UGT3A1: variants seen among roughly 807,000 people sequenced by gnomAD.
The protein encoded by UGT3A1 is UDP glycosyltransferase family 3 member A1.
Under a neutral mutation model 37.6 loss-of-function variants are expected in UGT3A1, and 40 were observed. The ratio of observed to expected loss-of-function variants is 1.06; its 90% CI spans 0.83 to 1.38. The LOEUF (loss-of-function observed/expected upper bound fraction) is 1.38, where lower values mean the gene tolerates loss of function less well. Ranked by LOEUF, UGT3A1 falls within the 40% of genes most tolerant of loss-of-function variation. The pLI, the probability that UGT3A1 is intolerant of heterozygous loss-of-function variation, is 0.00. For synonymous variants in UGT3A1, 256 were observed against 232.3 expected, an observed-to-expected ratio of 1.10 and a Z score of -0.93; for missense variants, 642 against 634.2, an observed-to-expected ratio of 1.01 and a Z score of -0.13.
chr5:35,954,501 T>A (rs777949586), intron 6 of UGT3A1, 23 bp from the exon 7 acceptor site: 1 of 1,610,434 alleles, frequency 6.2e-7, no homozygotes, highest in African/African-American at 1.3e-5. Flanking sequence ...ACAGAGAGGG[T>A]GTGTTACTGA....
intron 2 of UGT3A1, among the ~76,000 whole-genome samples, chr5:35,975,518 G>C (rs927289822): frequency 3.9e-5 from 6 of 152,296 alleles, no homozygotes; most frequent in African/African-American, 1.4e-4. Context: ...ATCTACTGAT[G>C]TGGAATTCTA....
intron 2 of UGT3A1, among the ~76,000 whole-genome samples, chr5:35,988,101 C>T (rs1272923794): frequency 1.3e-5 from 2 of 152,134 alleles, no homozygotes; most frequent in Non-Finnish European, 2.9e-5. Flanking sequence ...TCTATACTTA[C>T]ATAATAAAAG....
At chr5:35,956,010 G>A (rs186401248) in intron 5 of UGT3A1, 146 bp from the exon 6 acceptor site, 7 of 813,578 alleles carry the variant, frequency 8.6e-6, no homozygotes, top group African/African-American at 1.7e-5. Context: ...ACACACAAGT[G>A]TGAACATTCC....
chr5:35,967,516 G>T (rs1052808906), intron 3 of UGT3A1, among the ~76,000 whole-genome samples: 1 of 152,166 alleles, frequency 6.6e-6, no homozygotes, highest in African/African-American at 2.4e-5. Context: ...AAAGGTGAAG[G>T]TTCAAGGTGT....
At chr5:35,984,414 C>T (rs1740647631) in intron 2 of UGT3A1, among the ~76,000 whole-genome samples, 1 of 151,754 alleles carries the variant, frequency 6.6e-6, no homozygotes, top group African/African-American at 2.4e-5. Context: ...ACATCACCCT[C>T]ATTCTTTCTG....
chr5:35,962,419 T>G (rs1739622922), intron 4 of UGT3A1: 1 of 154,306 alleles, frequency 6.5e-6, no homozygotes, highest in Non-Finnish European at 1.4e-5. Flanking sequence ...TTTCTAGGAT[T>G]AGGCAAGCGA....
At position 35,951,389 on chromosome 5, in the gene UGT3A1, T is replaced by C. The variant is rs1320890380; in HGVS notation, c.*2813A>G. 1 of 152,138 alleles carries C rather than the reference T, an allele frequency of 6.6e-6. No individual in the cohort carries two copies. The highest frequency in any genetic ancestry group is 1.5e-5 in the Non-Finnish European group (1 of 67,990). The allele number at this position is 152,138 out of a possible 1,614,324, so 9.4% of individuals were successfully genotyped here. ...TTTTTTTCATTATCCCCCATACACA[T>C]ACTTTCCTTTTTCTTATAAAAAAAA... On this transcript the variant is annotated 3_prime_UTR_variant, in exon 7 of 7. Coordinates refer to ENST00000274278, the MANE Select transcript of UGT3A1 (RefSeq NM_152404.4).
chr5:35,954,361 G>GA lies in UGT3A1; in HGVS notation c.1412dup (p.Lys472GlnfsTer11). Reference sequence around the variant, plus strand: ...AAGGCTGCTGGAAGGCATAGGGCTTGAGGTGCGTCGCTCCCCCAGTCTGGA... The same window carrying GA: ...AAGGCTGCTGGAAGGCATAGGGCTTGAAGGTGCGTCGCTCCCCCAGTCTGGA... On this transcript the variant is annotated frameshift_variant, in exon 7 of 7. Coordinates refer to ENST00000274278, the MANE Select transcript of UGT3A1 (RefSeq NM_152404.4). LOFTEE classifies it low-confidence loss of function (END_TRUNC). 1 of 1,614,224 alleles carries GA rather than the reference G, an allele frequency of 6.2e-7. No homozygotes were observed. The highest frequency in any genetic ancestry group is 8.5e-7 in the Non-Finnish European group (1 of 1,180,034).
At chr5:35,981,346 C>T (rs1740514681) in intron 2 of UGT3A1, among the ~76,000 whole-genome samples, 1 of 151,870 alleles carries the variant, frequency 6.6e-6, no homozygotes, top group South Asian at 2.1e-4. Context: ...GAAGAGTGGC[C>T]CTTGTTGAAT....
chr5:35,970,843 T>C (rs567457718), intron 2 of UGT3A1, among the ~76,000 whole-genome samples: 1 of 152,206 alleles, frequency 6.6e-6, no homozygotes, highest in Non-Finnish European at 1.5e-5. Context: ...ATTTGGACTA[T>C]TTTTAAACCT....
chr5:35,978,361 T>C (rs949251316), intron 2 of UGT3A1, among the ~76,000 whole-genome samples: 2 of 152,170 alleles, frequency 1.3e-5, no homozygotes, highest in Non-Finnish European at 2.9e-5. Flanking sequence ...GATAAAGATA[T>C]ACCCAAGACT....
chr5:35,975,719 A>T (rs1740239923), intron 2 of UGT3A1, among the ~76,000 whole-genome samples: 1 of 150,504 alleles, frequency 6.6e-6, no homozygotes. Context: ...ATTATACTTT[A>T]AGTTTTAGGT....
intron 4 of UGT3A1, chr5:35,961,646 T>C (rs1444321128): frequency 1.3e-5 from 2 of 152,222 alleles, no homozygotes; most frequent in Non-Finnish European, 2.9e-5. Flanking sequence ...TGGGCTTGCA[T>C]GGTGACCATT....
In UGT3A1 at chr5:35,988,523, C is replaced by G. The variant is rs749835922; in HGVS notation, c.123G>C (p.Arg41=). ...CATGCTCTTGAAGAATCTGAGACAC[C>G]CGGTCCAACAGTAGGTAATGGCTTC... is the stretch of plus-strand genomic sequence containing the variant. The part of the protein sequence containing the change: ...LGGSHYLLLD[R]VSQILQEHGH... The change falls in exon 2 of 7, where the codon CGG becomes CGC. Residue 41 remains arginine (R), a synonymous_variant. Transcript: ENST00000274278. 1.2e-6 allele frequency: 2 copies of G among 1,612,320 alleles called. No individual in the cohort carries two copies. Among genetic ancestry groups the G allele is most frequent in the Non-Finnish European group, 1.7e-6 (2 of 1,179,172 alleles).
intron 2 of UGT3A1, among the ~76,000 whole-genome samples, chr5:35,983,480 G>A (rs1001329993): frequency 6.6e-5 from 10 of 151,890 alleles, no homozygotes; most frequent in South Asian, 2.1e-4. Context: ...TCCAAATAAC[G>A]AAACCAATTC....
chr5:35,973,008 A>G (rs1161207979), intron 2 of UGT3A1, among the ~76,000 whole-genome samples: 1 of 152,184 alleles, frequency 6.6e-6, no homozygotes, highest in Non-Finnish European at 1.5e-5. Context: ...ATTTTCTGCT[A>G]AAGTCAAGGC....
In UGT3A1 at chr5:35,965,681, T is replaced by G; in HGVS notation, c.548A>C (p.Tyr183Ser). The G allele has an allele frequency of 1.2e-6, 2 of 1,614,122 alleles. No homozygotes were observed. The highest frequency in any genetic ancestry group is 1.7e-6 in the Non-Finnish European group (2 of 1,180,024). ...LDFGLPSPLS[Y>S]VPVFPSLLTD... is the part of the protein sequence containing the mutation. ...CAGCAAGGAAGGGAATACTGGAACA[T>G]AAGACAAGGGGCTTGGTAGCCCAAA... The change falls in exon 4 of 7, where the codon TAT becomes TCT. Residue 183 changes from tyrosine to serine, a missense_variant. Transcript: ENST00000274278.
chr5:35,991,833 T>C (rs1441013940), upstream of UGT3A1, among the ~76,000 whole-genome samples: 2 of 152,160 alleles, frequency 1.3e-5, no homozygotes, highest in African/African-American at 4.8e-5. Context: ...GAAGATAACA[T>C]TCATGAAGAG....
chr5:35,976,703 G>A (rs1740285155), intron 2 of UGT3A1, among the ~76,000 whole-genome samples: 1 of 152,012 alleles, frequency 6.6e-6, no homozygotes, highest in African/African-American at 2.4e-5. Context: ...GGGATTGGTG[G>A]TGCACATCTG....
Sources: gnomAD v4.1 joint callset for allele counts (sites outside exome capture counted in the v4.1 genomes callset) on GRCh38, gnomAD v4.1.1 for gene constraint, MANE v1.5 for transcripts, NCBI Gene and HGNC (gene_info 2026-07-23, HGNC 2026-07-21) for gene names.